Variants in LINGO2 observed in about 807,000 individuals in gnomAD.
LINGO2 encodes the protein leucine rich repeat and Ig domain containing 2, also known as leucine-rich repeat and immunoglobulin-like domain-containing nogo receptor-interacting protein 2.
LINGO2 carries 14 observed loss-of-function variants against 30.6 expected under a neutral mutation model. The ratio of observed to expected loss-of-function variants is 0.46; its 90% CI spans 0.30 to 0.72. The LOEUF (loss-of-function observed/expected upper bound fraction) is 0.72. Among genes scored for constraint, LINGO2 ranks in the 30% least tolerant of loss-of-function variants. LINGO2 has a pLI of 0.07. For synonymous variants in LINGO2, 317 were observed against 288.5 expected (o/e 1.10, Z -1.00); for missense variants, 729 against 751.7 (o/e 0.97, Z 0.35).
rs533485165 is a variant in LINGO2, at chr9:28,051,947, A to G, written c.-86-39542T>C. Among the ~76,000 whole-genome samples the G allele has an allele frequency of 3.9e-5, 6 of 152,224 alleles. No individual in the cohort carries two copies. In the South Asian group the frequency reaches 6.2e-4, roughly 16 times the overall value. ...TAAAAAACACAGAATATTCAAAATC[A>G]TAATTGCCCTGGGCACTGTAAGCAT... On this transcript the variant is annotated intron_variant, in intron 4 of 5. Coordinates refer to ENST00000379992, the Ensembl canonical transcript of LINGO2.
intron 3 of LINGO2, among the ~76,000 whole-genome samples, chr9:28,296,145 A>T (rs1823912377): frequency 6.6e-6 from 1 of 152,224 alleles, no homozygotes; most frequent in Non-Finnish European, 1.5e-5. Context: ...TATGGCATTT[A>T]AACTTAATTA....
chr9:28,744,515 G>T, the LINGO2 span, among the ~76,000 whole-genome samples: 1 of 151,048 alleles, frequency 6.6e-6, no homozygotes. Context: ...TTGGTCATTT[G>T]TTTATTATTT....
the LINGO2 span, among the ~76,000 whole-genome samples, chr9:28,904,310 TA>T: frequency 6.6e-6 from 1 of 151,986 alleles, no homozygotes; most frequent in Non-Finnish European, 1.5e-5. Flanking sequence ...AGAATCAAGA[TA>T]AAGATTCCAA....
the LINGO2 span, among the ~76,000 whole-genome samples, chr9:29,022,561 A>G: frequency 6.6e-6 from 1 of 152,194 alleles, no homozygotes; most frequent in African/African-American, 2.4e-5. Context: ...CTTACGGTTG[A>G]TCTTACAATT....
intron 1 of LINGO2, among the ~76,000 whole-genome samples, chr9:28,606,975 T>C (rs1211105610): frequency 6.6e-6 from 1 of 152,076 alleles, no homozygotes; most frequent in Admixed American, 6.6e-5. Flanking sequence ...AGCCCCTTAT[T>C]TGTTCCAGTG....
At chr9:29,056,369 T>A in the LINGO2 span, among the ~76,000 whole-genome samples, 2 of 152,172 alleles carry the variant, frequency 1.3e-5, no homozygotes, top group Non-Finnish European at 2.9e-5. Flanking sequence ...TTTTTTCACA[T>A]ATTTGTTGGC....
chr9:28,656,534 C>T (rs1828348103), intron 1 of LINGO2, among the ~76,000 whole-genome samples: 1 of 152,110 alleles, frequency 6.6e-6, no homozygotes. Flanking sequence ...AAACATCAGA[C>T]ACATCCAAAC....
At chr9:28,141,995 C>A (rs748949229) in intron 4 of LINGO2, among the ~76,000 whole-genome samples, 4 of 152,138 alleles carry the variant, frequency 2.6e-5, no homozygotes, top group Non-Finnish European at 5.9e-5. Context: ...CATCAATTTT[C>A]TGCATTACTT....
At chr9:27,991,386 G>A (rs1213603063) in intron 5 of LINGO2, among the ~76,000 whole-genome samples, 1 of 152,000 alleles carries the variant, frequency 6.6e-6, no homozygotes, top group Non-Finnish European at 1.5e-5. Context: ...GTGGATAGGT[G>A]ACCTTTCAAG....
At chr9:28,926,196 C>A in the LINGO2 span, among the ~76,000 whole-genome samples, 13 of 152,116 alleles carry the variant, frequency 8.5e-5, no homozygotes, top group African/African-American at 2.9e-4. Context: ...TGCCTGTAGT[C>A]CCAGCTACTT....
intron 4 of LINGO2, among the ~76,000 whole-genome samples, chr9:28,153,990 C>G (rs1352802209): frequency 6.6e-6 from 1 of 152,044 alleles, no homozygotes; most frequent in Non-Finnish European, 1.5e-5. Flanking sequence ...ACATTATTTG[C>G]CCCACAGAGA....
chr9:28,931,963 C>T, the LINGO2 span, among the ~76,000 whole-genome samples: 1 of 151,472 alleles, frequency 6.6e-6, no homozygotes, highest in African/African-American at 2.4e-5. Flanking sequence ...CAAAAATTAG[C>T]CTGGTGTGGT....
the LINGO2 span, among the ~76,000 whole-genome samples, chr9:28,970,444 C>G: frequency 0.92 from 140,420 of 152,178 alleles, 64,873 homozygotes; most frequent in Non-Finnish European, 0.93. Context: ...AGCACTCACA[C>G]TACCTAGTTT....
chr9:28,605,977 C>T (rs894358720), intron 1 of LINGO2, among the ~76,000 whole-genome samples: 4 of 150,344 alleles, frequency 2.7e-5, no homozygotes, highest in African/African-American at 9.8e-5. Context: ...TTTCTTTTTG[C>T]GCCTTCCATC....
At chr9:28,234,407 A>G (rs905702205) in intron 4 of LINGO2, among the ~76,000 whole-genome samples, 12 of 152,178 alleles carry the variant, frequency 7.9e-5, no homozygotes, top group African/African-American at 2.7e-4. Context: ...TTGAGTGTCA[A>G]CTTGATTGGA....
the LINGO2 span, among the ~76,000 whole-genome samples, chr9:28,873,583 A>G: frequency 1.3e-5 from 2 of 151,946 alleles, no homozygotes; most frequent in Admixed American, 6.6e-5. Context: ...GAATTTGCCA[A>G]CCCTTATTAA....
chr9:27,995,891 A>G (rs1170118596), intron 5 of LINGO2, among the ~76,000 whole-genome samples: 4 of 152,194 alleles, frequency 2.6e-5, no homozygotes, highest in Admixed American at 2.6e-4. Context: ...AAGAGATACA[A>G]GGCATCCAAA....
At chr9:27,984,655 T>C (rs1172582763) in intron 5 of LINGO2, among the ~76,000 whole-genome samples, 5 of 151,860 alleles carry the variant, frequency 3.3e-5, no homozygotes, top group South Asian at 2.1e-4. Flanking sequence ...ATTCATTTTG[T>C]GTTCCTAGCT....
At chr9:27,971,306 A>G (rs932916660) in intron 5 of LINGO2, among the ~76,000 whole-genome samples, 1 of 150,348 alleles carries the variant, frequency 6.7e-6, no homozygotes, top group Non-Finnish European at 1.5e-5. Context: ...TTTCCCTCTC[A>G]CCCAAAGTCT....
Sources: gnomAD v4.1 joint callset for allele counts (sites outside exome capture counted in the v4.1 genomes callset) on GRCh38, gnomAD v4.1.1 for gene constraint, MANE v1.5 for transcripts, NCBI Gene and HGNC (gene_info 2026-07-23, HGNC 2026-07-21) for gene names.